The following CTTNBP2 variants were observed in gnomAD, a reference collection of about 807,000 sequenced individuals.
CTTNBP2 encodes the protein cortactin binding protein 2, also known as cortactin-binding protein 2.
In CTTNBP2, 108 loss-of-function variants were observed where a neutral mutation model predicts 156.9. The ratio of observed to expected loss-of-function variants is 0.69; its 90% CI spans 0.59 to 0.81. The LOEUF is 0.81. Ranked by LOEUF, CTTNBP2 falls within the 30% of genes least tolerant of loss-of-function variation. The pLI is 0.00. For synonymous variants in CTTNBP2, 767 were observed against 751.8 expected (o/e 1.02, Z -0.33); for missense variants, 1,924 against 2,035.4 (o/e 0.95, Z 1.05).
At position 117,791,868 on chromosome 7, in the gene CTTNBP2, G is replaced by T. The variant is rs1165153866; in HGVS notation, c.1328C>A (p.Pro443Gln). 5 of 1,614,094 alleles carry T rather than the reference G, an allele frequency of 3.1e-6. No individual in the cohort carries two copies. The highest frequency in any genetic ancestry group is 4.2e-6 in the Non-Finnish European group (5 of 1,180,028). The change falls in exon 4 of 23, where the codon CCA (proline) becomes CAA (glutamine). Residue 443 changes from proline (P) to glutamine (Q), a missense_variant. Physicochemically the swap from Pro to Gln is moderately conservative, Grantham distance 76. Coordinates refer to ENST00000160373, the MANE Select transcript of CTTNBP2 (RefSeq NM_033427.3). ...TCTAAATCTAGCTGCTTGGATTCGTGGGTTTAGACCTGGATGCAAAGAGGT... is the reference window on the plus strand; with the variant it reads ...TCTAAATCTAGCTGCTTGGATTCGTTGGTTTAGACCTGGATGCAAAGAGGT... Reference protein sequence around the residue: ...ANTSLHPGLNPRIQAARFRFQ... With the variant: ...ANTSLHPGLNQRIQAARFRFQ...
At position 117,745,928 on chromosome 7, in the gene CTTNBP2, GT is replaced by G; in HGVS notation, c.3437del (p.His1146ProfsTer12). ...IVHQLALCLK[H>X]RQMAAGFSCE... is the part of the protein sequence containing the mutation. ...AGGAGAATCCTGCAGCCATTTGTCT[GT>G]GCTGTGATAAGAAAATAGGGTGATT... On this transcript the variant is annotated frameshift_variant and splice_region_variant, in exon 14 of 23. Coordinates refer to ENST00000160373, the MANE Select transcript of CTTNBP2 (RefSeq NM_033427.3). LOFTEE classifies it high-confidence loss of function. The G allele has an allele frequency of 1.2e-6, 2 of 1,613,966 alleles. No homozygotes were observed. Among genetic ancestry groups the G allele is most frequent in the Non-Finnish European group, 1.7e-6 (2 of 1,179,846 alleles).
intron 2 of CTTNBP2, among the ~76,000 whole-genome samples, chr7:117,832,410 G>A (rs1013255560): frequency 6.6e-6 from 1 of 152,010 alleles, no homozygotes; most frequent in African/African-American, 2.4e-5. Context: ...TAAAACGTAG[G>A]TCTAAGGTAT....
intron 2 of CTTNBP2, among the ~76,000 whole-genome samples, chr7:117,844,873 A>G (rs1160907906): frequency 1.3e-5 from 2 of 152,138 alleles, no homozygotes; most frequent in African/African-American, 4.8e-5. Context: ...AATGTTCTCA[A>G]TGAAACTGAA....
chr7:117,742,121 T>A (rs1476582916), intron 14 of CTTNBP2, among the ~76,000 whole-genome samples: 1 of 152,158 alleles, frequency 6.6e-6, no homozygotes. Context: ...GAAGCGTCAT[T>A]TGAGGTGTCC....
intron 2 of CTTNBP2, among the ~76,000 whole-genome samples, chr7:117,860,602 C>T (rs935457272): frequency 1.3e-5 from 2 of 152,086 alleles, no homozygotes; most frequent in African/African-American, 4.8e-5. Context: ...CTCGGCCTCC[C>T]AAAGTGCTGG....
At chr7:117,810,546 A>C (rs1402694170) in intron 3 of CTTNBP2, among the ~76,000 whole-genome samples, 1 of 151,898 alleles carries the variant, frequency 6.6e-6, no homozygotes, top group South Asian at 2.1e-4. Context: ...CAGAAACATA[A>C]TTTTTCTGTT....
At chr7:117,832,405 C>CGTGGGCA (rs1801665473) in intron 2 of CTTNBP2, among the ~76,000 whole-genome samples, 1 of 152,114 alleles carries the variant, frequency 6.6e-6, no homozygotes, top group African/African-American at 2.4e-5. Context: ...TGCCCTAAAA[C>CGTGGGCA]GTAGGTCTAA....
intron 4 of CTTNBP2, among the ~76,000 whole-genome samples, chr7:117,784,997 T>C (rs552527871): frequency 6.6e-6 from 1 of 152,300 alleles, no homozygotes; most frequent in South Asian, 2.1e-4. Flanking sequence ...TTTATATTCC[T>C]TGAATTCCCT....
chr7:117,718,730 C>T (rs1794608456), intron 21 of CTTNBP2, among the ~76,000 whole-genome samples: 1 of 152,278 alleles, frequency 6.6e-6, no homozygotes, highest in African/African-American at 2.4e-5. Context: ...TGATGATATG[C>T]ATTATACAAG....
At chr7:117,736,949 C>A (rs563033744) in intron 14 of CTTNBP2, among the ~76,000 whole-genome samples, 28 of 152,250 alleles carry the variant, frequency 1.8e-4, no homozygotes, top group Middle Eastern at 3.4e-3. Context: ...TTCTCAATTC[C>A]TTCTTGTTAC....
chr7:117,757,528 T>TAAAAAAAAAAAA (rs56687697), intron 11 of CTTNBP2, among the ~76,000 whole-genome samples: 5 of 91,436 alleles, frequency 5.5e-5, no homozygotes, highest in African/African-American at 1.1e-4. Flanking sequence ...TTAAGCACAG[T>TAAAAAAAAAAAA]AAAAAAAAAA....
chr7:117,806,355 G>C lies in CTTNBP2; in HGVS notation c.414+4410C>G, dbSNP rs538111223. Reference sequence around the variant, plus strand: ...GTTCTAATTCAAAGTGGAAAACTGAGAGGAAAGCAATTACAGCCATTTATA... The same window carrying C: ...GTTCTAATTCAAAGTGGAAAACTGACAGGAAAGCAATTACAGCCATTTATA... On this transcript the variant is annotated intron_variant, in intron 3 of 22. Coordinates refer to ENST00000160373, the MANE Select transcript of CTTNBP2 (RefSeq NM_033427.3). 5.1e-4 allele frequency among the ~76,000 whole-genome samples: 77 copies of C among 152,332 alleles called. 3 individuals carry two copies. The South Asian group carries it at 0.015, about 30-fold the overall frequency.
intron 3 of CTTNBP2, among the ~76,000 whole-genome samples, chr7:117,806,201 G>C (rs1486202864): frequency 6.6e-6 from 1 of 152,222 alleles, no homozygotes; most frequent in East Asian, 1.9e-4. Context: ...TAGTGAGAAA[G>C]TGGGTGGCTG....
intron 8 of CTTNBP2, among the ~76,000 whole-genome samples, chr7:117,775,662 T>C (rs1032930627): frequency 1.3e-5 from 2 of 151,896 alleles, no homozygotes; most frequent in African/African-American, 4.8e-5. Flanking sequence ...ATTCAGAGTT[T>C]TTCTTTTAAA....
chr7:117,797,207 A>G (rs1230729800), intron 3 of CTTNBP2, among the ~76,000 whole-genome samples: 1 of 152,188 alleles, frequency 6.6e-6, no homozygotes, highest in Non-Finnish European at 1.5e-5. Flanking sequence ...TGAATTACAC[A>G]TTCATGGGGC....
Position 117,791,110 on chromosome 7 carries a change from A to C in CTTNBP2, c.2068+18T>G. On this transcript the variant is annotated intron_variant, in intron 4 of 22. Coordinates refer to ENST00000160373, the MANE Select transcript of CTTNBP2 (RefSeq NM_033427.3). ...GGCCATATTCTTTAAAAAGCGTATA[A>C]CATTTCAATCCCTTTACCTGATGCT... 1 of 1,593,332 alleles carries C rather than the reference A, an allele frequency of 6.3e-7. No homozygotes were observed. Among genetic ancestry groups the C allele is most frequent in the Non-Finnish European group, 8.6e-7 (1 of 1,165,798 alleles).
rs1433579513 is a variant in CTTNBP2 at position 117,871,843 on chromosome 7, T to TTC, written c.81+1490_81+1491dup. 4.9e-5 allele frequency: 15 copies of TTC among 303,306 alleles called. No homozygotes were observed. In the African/African-American group the frequency reaches 1.7e-3, roughly 34 times the overall value. 18.8% of individuals were successfully genotyped at this position (303,306 alleles called of 1,614,324 possible). Reference sequence around the variant, plus strand: ...CCCTCTTTCTTTTTCGTCCTTCCCCTTCACACACACACACACACACACACA... The same window carrying TTC: ...CCCTCTTTCTTTTTCGTCCTTCCCCTTCTCACACACACACACACACACACACA... On this transcript the variant is annotated intron_variant, in intron 1 of 22. Transcript: ENST00000160373.
chr7:117,849,325 G>A (rs529981568), intron 2 of CTTNBP2, among the ~76,000 whole-genome samples: 8 of 152,146 alleles, frequency 5.3e-5, no homozygotes, highest in Non-Finnish European at 1.0e-4. Context: ...GTGGAAACAC[G>A]GAATGGAACA....
intron 2 of CTTNBP2, among the ~76,000 whole-genome samples, chr7:117,841,180 C>T (rs1802253003): frequency 1.3e-5 from 2 of 152,052 alleles, no homozygotes; most frequent in Non-Finnish European, 2.9e-5. Flanking sequence ...ACTATCTGGC[C>T]TCACAGAAGA....
Sources: allele counts gnomAD v4.1 joint callset (sites outside exome capture counted in the v4.1 genomes callset), GRCh38; gene constraint gnomAD v4.1.1; transcripts MANE v1.5; gene names NCBI Gene and HGNC (gene_info 2026-07-23, HGNC 2026-07-21).